Variants in NSRP1 observed in about 807,000 individuals in gnomAD.
NSRP1 encodes nuclear speckle splicing regulatory protein 1, also known as coiled-coil domain containing 55.
Under a neutral mutation model 54.7 loss-of-function variants are expected in NSRP1, and 24 were observed. The observed-to-expected ratio is 0.44, with a 90% CI of 0.32 to 0.62. NSRP1 has a LOEUF of 0.62. NSRP1 is among the 20% of genes least tolerant of loss of function. The pLI is 0.06. For synonymous variants in NSRP1, 210 were observed against 213.8 expected (o/e 0.98, Z 0.15); for missense variants, 596 against 651.2 (o/e 0.92, Z 0.92).
chr17:30,145,114 TTATC>T (rs2071841921), intron 2 of NSRP1, among the ~76,000 whole-genome samples: 2 of 152,242 alleles, frequency 1.3e-5, no homozygotes, highest in Non-Finnish European at 2.9e-5. Context: ...CTACTGTATT[TTATC>T]TATCCCATTC....
Position 30,178,078 on chromosome 17 carries a change from T to C in NSRP1, c.179T>C (p.Leu60Pro), listed in dbSNP as rs1471378657. 1.2e-6 allele frequency: 2 copies of C among 1,612,208 alleles called. No homozygotes were observed. Among genetic ancestry groups the C allele is most frequent in the Non-Finnish European group, 1.7e-6 (2 of 1,179,582 alleles). Residue 60 changes from leucine (L) to proline (P), a missense_variant, in exon 4 of 7, where the codon CTG becomes CCG. Leu to Pro is a moderately conservative substitution (Grantham distance 98). Transcript: ENST00000247026. ...GTTTAATTTTTTTTTAAGACCAAAC[T>C]GGAAATCCAGAAGGCCCTTGCAGAA... is the stretch of plus-strand genomic sequence containing the variant. ...AKKQAMKQTK[L>P]EIQKALAEDA...
intron 2 of NSRP1, among the ~76,000 whole-genome samples, chr17:30,167,541 G>T (rs1330255457): frequency 6.6e-6 from 1 of 151,800 alleles, no homozygotes; most frequent in Non-Finnish European, 1.5e-5. Flanking sequence ...CCCGGGAGGC[G>T]GAGGTTGCAG....
intron 2 of NSRP1, among the ~76,000 whole-genome samples, chr17:30,140,915 G>C (rs2071799277): frequency 6.6e-6 from 1 of 152,104 alleles, no homozygotes; most frequent in Non-Finnish European, 1.5e-5. Flanking sequence ...CCTGGGCTCA[G>C]GTAATCCTCC....
intron 2 of NSRP1, among the ~76,000 whole-genome samples, chr17:30,119,280 AT>A (rs2071575678): frequency 6.7e-6 from 1 of 149,660 alleles, no homozygotes; most frequent in African/African-American, 2.5e-5. Flanking sequence ...ATTTTTTTGT[AT>A]TTTTAGTATT....
chr17:30,169,410 T>A (rs1194208677), intron 2 of NSRP1, among the ~76,000 whole-genome samples: 2 of 152,082 alleles, frequency 1.3e-5, no homozygotes, highest in Non-Finnish European at 2.9e-5. Flanking sequence ...TTTGGAGATG[T>A]AATCTTCTCA....
intron 3 of NSRP1, among the ~76,000 whole-genome samples, chr17:30,172,811 A>G (rs769574379): frequency 3.3e-5 from 5 of 151,998 alleles, no homozygotes; most frequent in African/African-American, 1.2e-4. Flanking sequence ...GCCTGTTGTT[A>G]TTATTAAATT....
rs748866625 is a variant in NSRP1 at position 30,179,281 on chromosome 17, G to A, written c.492G>A (p.Arg164=). ...ERAEEEEREK[R]AAALEACLDV... Reference sequence around the variant, plus strand: ...CTGAAGAAGAAGAAAGAGAAAAGAGGGCTGCTGCACTGGAAGGTAAAATGA... The same window carrying A: ...CTGAAGAAGAAGAAAGAGAAAAGAGAGCTGCTGCACTGGAAGGTAAAATGA... The change falls in exon 5 of 7, where the codon AGG becomes AGA. Residue 164 remains arginine, a synonymous_variant. Coordinates refer to ENST00000247026, the MANE Select transcript of NSRP1 (RefSeq NM_032141.4). 3 of 1,579,416 alleles carry A rather than the reference G, an allele frequency of 1.9e-6. No individual in the cohort carries two copies. The highest frequency in any genetic ancestry group is 3.5e-5 in the Admixed American group (2 of 56,604).
intron 5 of NSRP1, among the ~76,000 whole-genome samples, chr17:30,180,569 G>C (rs56054525): frequency 0.084 from 12,806 of 152,254 alleles, 1,703 homozygotes; most frequent in African/African-American, 0.29. Context: ...TAGTATTTTA[G>C]TATTCATATT....
chr17:30,177,640 A>G (rs1167697457), intron 3 of NSRP1, among the ~76,000 whole-genome samples: 1 of 152,336 alleles, frequency 6.6e-6, no homozygotes, highest in Middle Eastern at 3.4e-3. Flanking sequence ...CAGGCCTCTC[A>G]AAACCAAGGT....
intron 2 of NSRP1, chr17:30,150,693 T>TG (rs1336524744): frequency 3.7e-5 from 5 of 133,904 alleles, no homozygotes; most frequent in African/African-American, 1.4e-4. Context: ...GGTTTTTTTT[T>TG]TTTTTTTTTT....
At chr17:30,121,558 G>A (rs1481528077) in intron 2 of NSRP1, among the ~76,000 whole-genome samples, 3 of 139,558 alleles carry the variant, frequency 2.1e-5, no homozygotes, top group East Asian at 2.0e-4. Flanking sequence ...GTGTGTGTGC[G>A]TGTGTGTGTG....
intron 3 of NSRP1, among the ~76,000 whole-genome samples, chr17:30,173,339 G>T (rs1302237982): frequency 6.6e-6 from 1 of 152,112 alleles, no homozygotes; most frequent in African/African-American, 2.4e-5. Flanking sequence ...TCACAAACTT[G>T]CCCATAGTAC....
chr17:30,117,795 C>G (rs1307825978), intron 1 of NSRP1, among the ~76,000 whole-genome samples: 1 of 147,598 alleles, frequency 6.8e-6, no homozygotes, highest in African/African-American at 2.5e-5. Context: ...ACTGTCACTT[C>G]GCCATCTTAA....
At chr17:30,142,760 T>C (rs984289585) in intron 2 of NSRP1, among the ~76,000 whole-genome samples, 1 of 152,244 alleles carries the variant, frequency 6.6e-6, no homozygotes, top group Non-Finnish European at 1.5e-5. Flanking sequence ...TTTCCTGTGT[T>C]GTCTCCATCC....
chr17:30,151,178 G>A (rs2143003837), intron 2 of NSRP1, among the ~76,000 whole-genome samples: 1 of 152,224 alleles, frequency 6.6e-6, no homozygotes, highest in East Asian at 1.9e-4. Context: ...TGAAAAAAGT[G>A]TTCAACTCCT....
chr17:30,176,012 A>C (rs547893923), intron 3 of NSRP1, among the ~76,000 whole-genome samples: 109 of 150,998 alleles, frequency 7.2e-4, no homozygotes, highest in Middle Eastern at 3.5e-3. Context: ...CCCCCCCCCA[A>C]AAAAAAAGAA....
chr17:30,148,328 T>C (rs1177605547), intron 2 of NSRP1, among the ~76,000 whole-genome samples: 1 of 152,192 alleles, frequency 6.6e-6, no homozygotes, highest in African/African-American at 2.4e-5. Flanking sequence ...AAAACTTGAT[T>C]TAGGGTTTTC....
At chr17:30,130,650 C>T (rs1192388167) in intron 2 of NSRP1, among the ~76,000 whole-genome samples, 1 of 152,108 alleles carries the variant, frequency 6.6e-6, no homozygotes, top group Admixed American at 6.6e-5. Flanking sequence ...AAGTACAACA[C>T]TATAGTTTCT....
At position 30,133,380 on chromosome 17, in the gene NSRP1, C is replaced by T. The variant is rs568426739; in HGVS notation, c.114+15207C>T. Among the ~76,000 whole-genome samples, 66 of 152,046 alleles carry T rather than the reference C, an allele frequency of 4.3e-4. 1 individual carries two copies. The highest frequency in any genetic ancestry group is 1.4e-3 in the African/African-American group (60 of 41,488). On this transcript the variant is annotated intron_variant, in intron 2 of 6. Coordinates refer to ENST00000247026, the MANE Select transcript of NSRP1 (RefSeq NM_032141.4). ...CTCCTTGTACATCTCTGTCAGAGCT[C>T]GTGATAACCCGATGCATTGTCAGCA...
Sources: allele counts gnomAD v4.1 joint callset (sites outside exome capture counted in the v4.1 genomes callset), GRCh38; gene constraint gnomAD v4.1.1; transcripts MANE v1.5; gene names NCBI Gene and HGNC (gene_info 2026-07-23, HGNC 2026-07-21).